The following CSMD1 variants were observed in gnomAD, a reference collection of about 807,000 sequenced individuals.
The protein encoded by CSMD1 is CUB and sushi domain-containing protein 1.
In CSMD1, 213 loss-of-function variants were observed where a neutral mutation model predicts 417.5. That is an observed-to-expected ratio of 0.51 (90% CI 0.46 to 0.57). CSMD1 has a LOEUF of 0.57. CSMD1 is among the 20% of genes least tolerant of loss of function. CSMD1 has a pLI of 0.00. For missense variants in CSMD1, 6,923 were observed against 4,529.7 expected (o/e 1.53, Z -15.17); for synonymous variants, 2,862 against 1,736.8 (o/e 1.65, Z -16.11).
intron 5 of CSMD1, among the ~76,000 whole-genome samples, chr8:3,820,972 A>G (rs963126794): frequency 2.0e-5 from 3 of 151,940 alleles, no homozygotes; most frequent in African/African-American, 4.8e-5. Flanking sequence ...GCTGGAGTGC[A>G]ATGGTGCAAA....
intron 5 of CSMD1, among the ~76,000 whole-genome samples, chr8:3,971,538 GCAGT>G (rs747161770): frequency 2.4e-4 from 37 of 151,966 alleles, no homozygotes; most frequent in Admixed American, 8.5e-4. Flanking sequence ...TAAATATGAA[GCAGT>G]CAAAGTCAAT....
chr8:2,967,012 A>G (rs1210517066), intron 57 of CSMD1, among the ~76,000 whole-genome samples: 1 of 152,252 alleles, frequency 6.6e-6, no homozygotes, highest in African/African-American at 2.4e-5. Flanking sequence ...GAGTTAAAGC[A>G]CTAAAAGTTC....
chr8:4,463,906 T>C (rs527756113), intron 2 of CSMD1, among the ~76,000 whole-genome samples: 9 of 152,270 alleles, frequency 5.9e-5, no homozygotes, highest in Non-Finnish European at 1.3e-4. Flanking sequence ...ATCATTTCAA[T>C]ATAGCTCTGA....
intron 3 of CSMD1, among the ~76,000 whole-genome samples, chr8:4,170,953 T>C (rs1797732254): frequency 6.6e-6 from 1 of 151,942 alleles, no homozygotes; most frequent in African/African-American, 2.4e-5. Flanking sequence ...GCAAATGTCA[T>C]TATCCCAGGG....
chr8:4,403,869 T>TA (rs2128930479), intron 3 of CSMD1, among the ~76,000 whole-genome samples: 1 of 152,254 alleles, frequency 6.6e-6, no homozygotes, highest in African/African-American at 2.4e-5. Flanking sequence ...TTAACTTGCC[T>TA]AAAAATGAAC....
intron 1 of CSMD1, among the ~76,000 whole-genome samples, chr8:4,902,716 A>G (rs1804967966): frequency 1.3e-5 from 2 of 152,052 alleles, no homozygotes; most frequent in South Asian, 2.1e-4. Flanking sequence ...AATTCTACAT[A>G]TATCAAAATA....
chr8:3,875,098 C>G (rs900366307), intron 5 of CSMD1, among the ~76,000 whole-genome samples: 5 of 150,386 alleles, frequency 3.3e-5, no homozygotes, highest in Admixed American at 6.6e-5. Context: ...GGACCAGATC[C>G]TAGAGGGGCT....
chr8:4,361,858 G>T (rs561347190), intron 3 of CSMD1, among the ~76,000 whole-genome samples: 86 of 152,230 alleles, frequency 5.6e-4, no homozygotes, highest in African/African-American at 2.0e-3. Flanking sequence ...GGGAGGCTAA[G>T]GCAGAAGAAT....
chr8:3,845,246 T>A (rs1374029898), intron 5 of CSMD1, among the ~76,000 whole-genome samples: 5 of 152,162 alleles, frequency 3.3e-5, no homozygotes, highest in Non-Finnish European at 7.3e-5. Context: ...GAGAAACACA[T>A]AGTTTGCTGA....
At chr8:4,167,315 A>T (rs1368532082) in intron 3 of CSMD1, among the ~76,000 whole-genome samples, 1 of 152,188 alleles carries the variant, frequency 6.6e-6, no homozygotes, top group Non-Finnish European at 1.5e-5. Context: ...ATTCTTACGT[A>T]ACTTAGAGGT....
chr8:3,336,012 A>T (rs940845560), intron 23 of CSMD1, among the ~76,000 whole-genome samples: 1 of 152,150 alleles, frequency 6.6e-6, no homozygotes, highest in Admixed American at 6.5e-5. Flanking sequence ...CCTTAAGCCT[A>T]GAAAACATTT....
At chr8:4,921,623 A>G (rs558237688) in intron 1 of CSMD1, among the ~76,000 whole-genome samples, 1 of 152,340 alleles carries the variant, frequency 6.6e-6, no homozygotes, top group African/African-American at 2.4e-5. Context: ...TACTCAGATA[A>G]TGGAAGGATA....
At chr8:4,240,249 G>C (rs1396083053) in intron 3 of CSMD1, among the ~76,000 whole-genome samples, 1 of 152,202 alleles carries the variant, frequency 6.6e-6, no homozygotes, top group Non-Finnish European at 1.5e-5. Context: ...TGTTTCATGA[G>C]GGGCTGGCAG....
At chr8:3,882,961 C>A (rs535782469) in intron 5 of CSMD1, among the ~76,000 whole-genome samples, 1 of 152,108 alleles carries the variant, frequency 6.6e-6, no homozygotes, top group African/African-American at 2.4e-5. Context: ...AAACTCTCTG[C>A]GAAAGTTTGT....
rs540377307 is a variant in CSMD1, at chr8:3,953,229, T to C, written c.818+44674A>G. On this transcript the variant is annotated intron_variant, in intron 5 of 69. Transcript: ENST00000635120. ...CATTATAGGATTAAAATCAAGAAAATATATAACTGATATAGGAGTTAAGGA... is the reference window on the plus strand; with the variant it reads ...CATTATAGGATTAAAATCAAGAAAACATATAACTGATATAGGAGTTAAGGA... 3.7e-4 allele frequency among the ~76,000 whole-genome samples: 56 copies of C among 152,122 alleles called. 1 individual carries two copies. In the South Asian group the frequency reaches 5.6e-3, roughly 15 times the overall value.
intron 1 of CSMD1, among the ~76,000 whole-genome samples, chr8:4,797,360 T>C (rs141237973): frequency 6.6e-6 from 1 of 152,306 alleles, no homozygotes; most frequent in Non-Finnish European, 1.5e-5. Flanking sequence ...AAAGGGAGCA[T>C]CTGTGAAAGA....
At chr8:4,234,586 A>T (rs1224453970) in intron 3 of CSMD1, among the ~76,000 whole-genome samples, 1 of 152,092 alleles carries the variant, frequency 6.6e-6, no homozygotes, top group African/African-American at 2.4e-5. Flanking sequence ...TGCTTTTTTA[A>T]TTGAGTGTTT....
chr8:4,397,894 C>A (rs79919756), intron 3 of CSMD1, among the ~76,000 whole-genome samples: 1 of 152,014 alleles, frequency 6.6e-6, no homozygotes, highest in Non-Finnish European at 1.5e-5. Context: ...TCTAATGGCT[C>A]CAATTGTCAC....
At chr8:4,382,289 C>T (rs186430053) in intron 3 of CSMD1, among the ~76,000 whole-genome samples, 1 of 152,148 alleles carries the variant, frequency 6.6e-6, no homozygotes, top group Non-Finnish European at 1.5e-5. Flanking sequence ...TTATTGAGTT[C>T]TTTATCCAGA....
Sources: gnomAD v4.1 joint callset for allele counts (sites outside exome capture counted in the v4.1 genomes callset) on GRCh38, gnomAD v4.1.1 for gene constraint, MANE v1.5 for transcripts, NCBI Gene and HGNC (gene_info 2026-07-23, HGNC 2026-07-21) for gene names.